MAGI2: variants seen among roughly 807,000 people sequenced by gnomAD.
MAGI2 encodes membrane-associated guanylate kinase, WW and PDZ domain-containing protein 2.
In MAGI2, 35 loss-of-function variants were observed where a neutral mutation model predicts 133.3. The ratio of observed to expected loss-of-function variants is 0.26; its 90% CI spans 0.20 to 0.35. The LOEUF (loss-of-function observed/expected upper bound fraction) is 0.35, where lower values mean the gene tolerates loss of function less well. Among genes scored for constraint, MAGI2 ranks in the 10% least tolerant of loss-of-function variants. The pLI is 1.00. For synonymous variants in MAGI2, 729 were observed against 710.6 expected, an observed-to-expected ratio of 1.03 and a Z score of -0.41; for missense variants, 1,636 against 1,863.4, an observed-to-expected ratio of 0.88 and a Z score of 2.25.
chr7:78,942,130 C>T (rs945080260), intron 2 of MAGI2, among the ~76,000 whole-genome samples: 1 of 152,190 alleles, frequency 6.6e-6, no homozygotes, highest in Admixed American at 6.5e-5. Context: ...TTAGCTACAA[C>T]ATCCTCCTAT....
At chr7:79,326,552 G>C (rs1419453077) in intron 1 of MAGI2, among the ~76,000 whole-genome samples, 1 of 152,020 alleles carries the variant, frequency 6.6e-6, no homozygotes, top group African/African-American at 2.4e-5. Context: ...ACCTATGAAA[G>C]GTATACTCCC....
intron 2 of MAGI2, among the ~76,000 whole-genome samples, chr7:78,760,205 G>A (rs1824355829): frequency 6.6e-6 from 1 of 151,866 alleles, no homozygotes; most frequent in Admixed American, 6.6e-5. Context: ...TTTATAACCT[G>A]TATTTTTTTC....
intron 1 of MAGI2, among the ~76,000 whole-genome samples, chr7:79,325,033 G>C (rs1291100991): frequency 6.6e-6 from 1 of 151,808 alleles, no homozygotes; most frequent in Non-Finnish European, 1.5e-5. Flanking sequence ...TATAAGATGA[G>C]AGACAAATAA....
At chr7:79,171,564 A>C (rs13225710) in intron 1 of MAGI2, among the ~76,000 whole-genome samples, 115,352 of 149,970 alleles carry the variant, frequency 0.77, 45,536 homozygotes, top group Non-Finnish European at 0.87. Context: ...GAATAAGCCA[A>C]TTTGAAGTCC....
chr7:78,070,206 T>TACACAC lies in MAGI2; in HGVS notation c.3706+8740_3706+8741insGTGTGT, dbSNP rs1814414721. ...ATATATATATATATATATATATATA[T>TACACAC]ATATATATATATACACACACACACA... On this transcript the variant is annotated intron_variant, in intron 21 of 21. Transcript: ENST00000354212. 8.3e-5 allele frequency among the ~76,000 whole-genome samples: 4 copies of TACACAC among 48,330 alleles called. No homozygotes were observed. In the South Asian group the frequency reaches 3.4e-3, roughly 41 times the overall value. 31.7% of individuals were successfully genotyped at this position (48,330 alleles called of 152,430 possible).
At chr7:78,616,917 T>C (rs1016972171) in intron 3 of MAGI2, 1 of 152,200 alleles carries the variant, frequency 6.6e-6, no homozygotes, top group African/African-American at 2.4e-5. Context: ...GAAAATGAAC[T>C]GTGATTCAAA....
In MAGI2 at chr7:78,633,693, G is replaced by A. The variant is rs964163167; in HGVS notation, c.419-6454C>T. On this transcript the variant is annotated intron_variant, in intron 2 of 21. Transcript: ENST00000354212. ...TGCACTCCAGCCTGGGCGTCAGAGC[G>A]AGACTCCGTCTCAAAAAAAAAAAAA... Among the ~76,000 whole-genome samples the A allele has an allele frequency of 6.3e-5, 8 of 126,398 alleles. No individual in the cohort carries two copies. The Admixed American group carries it at 7.1e-4, about 11-fold the overall frequency. 82.9% of individuals were successfully genotyped at this position (126,398 alleles called of 152,430 possible).
chr7:78,408,418 G>T (rs764581575), intron 6 of MAGI2, among the ~76,000 whole-genome samples: 2 of 151,972 alleles, frequency 1.3e-5, no homozygotes, highest in Non-Finnish European at 2.9e-5. Context: ...AGTGAATTGG[G>T]GATGGGAGTG....
At chr7:78,048,153 G>T (rs1241773792) in intron 21 of MAGI2, among the ~76,000 whole-genome samples, 1 of 152,164 alleles carries the variant, frequency 6.6e-6, no homozygotes, top group African/African-American at 2.4e-5. Flanking sequence ...TCTTGCCCAG[G>T]TGACATTTTG....
chr7:78,421,619 C>T (rs1416766589), intron 6 of MAGI2, among the ~76,000 whole-genome samples: 1 of 152,072 alleles, frequency 6.6e-6, no homozygotes, highest in Non-Finnish European at 1.5e-5. Flanking sequence ...TCAAGATCAG[C>T]CTGGGAAACA....
rs112424170 is a variant in MAGI2, at chr7:78,717,308, C to G, written c.419-90069G>C. Among the ~76,000 whole-genome samples, 1,420 of 151,802 alleles carry G rather than the reference C, an allele frequency of 9.4e-3. 27 individuals are homozygous for G. Among genetic ancestry groups the G allele is most frequent in the African/African-American group, 0.033 (1,352 of 41,372 alleles). ...ACACACACAGAGTGAAAAGGTAAAA[C>G]GTTACAATTTTTAAAATCAGAAACA... On this transcript the variant is annotated intron_variant, in intron 2 of 21. Coordinates refer to ENST00000354212, the MANE Select transcript of MAGI2 (RefSeq NM_012301.4).
intron 1 of MAGI2, among the ~76,000 whole-genome samples, chr7:79,400,300 C>T (rs1845379265): frequency 6.6e-6 from 1 of 152,016 alleles, no homozygotes; most frequent in Admixed American, 6.6e-5. Flanking sequence ...TATACATACA[C>T]ATTAAAATAA....
intron 2 of MAGI2, among the ~76,000 whole-genome samples, chr7:78,736,262 T>A (rs985517839): frequency 6.6e-6 from 1 of 152,164 alleles, no homozygotes; most frequent in Non-Finnish European, 1.5e-5. Flanking sequence ...TAATAACAGT[T>A]TTTTTCTATA....
At chr7:78,592,095 C>A (rs1407224243) in intron 3 of MAGI2, among the ~76,000 whole-genome samples, 1 of 151,670 alleles carries the variant, frequency 6.6e-6, no homozygotes, top group Non-Finnish European at 1.5e-5. Flanking sequence ...TCACATCTCA[C>A]TAATAGGGGT....
chr7:79,026,909 T>C (rs1452911369), intron 1 of MAGI2, among the ~76,000 whole-genome samples: 4 of 150,890 alleles, frequency 2.7e-5, no homozygotes, highest in African/African-American at 9.7e-5. Context: ...GAGAGCTGAA[T>C]AGACATTTCT....
intron 1 of MAGI2, chr7:79,172,789 T>C (rs1825740806): frequency 6.6e-6 from 1 of 152,052 alleles, no homozygotes; most frequent in East Asian, 1.9e-4. Context: ...GTAGTTCACC[T>C]ATTTCCAGAA....
chr7:78,520,057 C>T (rs1166734271), intron 4 of MAGI2, among the ~76,000 whole-genome samples: 1 of 152,188 alleles, frequency 6.6e-6, no homozygotes, highest in Non-Finnish European at 1.5e-5. Flanking sequence ...CACATCATTT[C>T]ATAGGAGACA....
intron 7 of MAGI2, among the ~76,000 whole-genome samples, chr7:78,356,950 C>A (rs1265257037): frequency 6.6e-6 from 1 of 152,184 alleles, no homozygotes; most frequent in Non-Finnish European, 1.5e-5. Flanking sequence ...CTACCACTCA[C>A]TATCTTTGAG....
chr7:79,323,245 C>T (rs746738873), intron 1 of MAGI2, among the ~76,000 whole-genome samples: 143 of 152,236 alleles, frequency 9.4e-4, no homozygotes, highest in Non-Finnish European at 1.5e-3. Context: ...CACATCCTCC[C>T]CTCTCCTCAA....
Sources: allele counts gnomAD v4.1 joint callset (sites outside exome capture counted in the v4.1 genomes callset), GRCh38; gene constraint gnomAD v4.1.1; transcripts MANE v1.5; gene names NCBI Gene and HGNC (gene_info 2026-07-23, HGNC 2026-07-21).